Variants in ABCG4 observed in about 807,000 individuals in gnomAD.
The protein encoded by ABCG4 is ATP binding cassette subfamily G member 4.
Under a neutral mutation model 64.6 loss-of-function variants are expected in ABCG4, and 35 were observed. The ratio of observed to expected loss-of-function variants is 0.54; its 90% confidence interval spans 0.41 to 0.72. The LOEUF (loss-of-function observed/expected upper bound fraction) is 0.72, where lower values mean the gene tolerates loss of function less well. Ranked by LOEUF, ABCG4 falls within the 30% of genes least tolerant of loss-of-function variation. The pLI is 0.00. For missense variants in ABCG4, 610 were observed against 846.3 expected, an observed-to-expected ratio of 0.72 and a Z score of 3.46; for synonymous variants, 326 against 348.2, an observed-to-expected ratio of 0.94 and a Z score of 0.71.
Position 119,160,657 on chromosome 11 carries a change from G to A in ABCG4, c.1715+1G>A. On this transcript the variant is annotated splice_donor_variant, in intron 14 of 14. Transcript: ENST00000619701. LOFTEE classifies it high-confidence loss of function. The surrounding 1 kb of genome is among the most constrained non-coding windows in gnomAD (Gnocchi z 4.6). ...GGAGCTCCTATCTCTCCTATGTCAG[G>A]TCAGTACCCCTGCCCTCCTCGTTGG... 3 of 1,612,538 alleles carry A rather than the reference G, an allele frequency of 1.9e-6. No homozygotes were observed. Among genetic ancestry groups the A allele is most frequent in the Admixed American group, 3.3e-5 (2 of 60,004 alleles).
At chr11:119,159,617 C>T (rs1948317925) in intron 12 of ABCG4, among the ~76,000 whole-genome samples, 2 of 152,164 alleles carry the variant, frequency 1.3e-5, no homozygotes, top group Admixed American at 1.3e-4. Context: ...ACGAAGTGCC[C>T]AGCAAATGTT....
rs193920956 is a variant in ABCG4 at position 119,150,202 on chromosome 11, G to C, written c.237G>C (p.Arg79Ser). Residue 79 changes from arginine to serine, a missense_variant and splice_region_variant, in exon 2 of 15, where the codon AGG becomes AGC. Arg to Ser is a moderately radical substitution (Grantham distance 110). Transcript: ENST00000619701. This position sits in a 1 kb window ranked among gnomAD's most constrained non-coding sequence, Gnocchi z 4.3. ...GGGAGGGGCCCTGCTGGCGCAAAAG[G>C]GGTAGGGAACAGCCTGGTAGGGGGA... is the stretch of plus-strand genomic sequence containing the variant. ...SVREGPCWRK[R>S]GYKTLLKCLS... The C allele has an allele frequency of 1.2e-6, 2 of 1,613,264 alleles. No individual in the cohort carries two copies. Among genetic ancestry groups the C allele is most frequent in the Non-Finnish European group, 1.7e-6 (2 of 1,179,436 alleles).
chr11:119,160,240 T>A lies in ABCG4; in HGVS notation c.1451T>A (p.Val484Glu). 6.2e-7 allele frequency: 1 copy of A among 1,610,280 alleles called. No homozygotes were observed. Among genetic ancestry groups the A allele is most frequent in the Non-Finnish European group, 8.5e-7 (1 of 1,177,230 alleles). The change falls in exon 13 of 15, where the codon GTG becomes GAG. Residue 484 changes from valine to glutamate, a missense_variant. Coordinates refer to ENST00000619701, the MANE Select transcript of ABCG4 (RefSeq NM_022169.5). The surrounding 1 kb of genome is among the most constrained non-coding windows in gnomAD (Gnocchi z 4.6). ...CCCACTCCCCAGGTGGTGTGTCCGG[T>A]GGTCTACTGCAGCATTGTGTACTGG... ...ADVPFQVVCPVVYCSIVYWMT... is the reference protein window; with the variant it reads ...ADVPFQVVCPEVYCSIVYWMT...
rs12271907 is a variant in ABCG4 at position 119,156,981 on chromosome 11, C to A, written c.1035C>A (p.Asn345Lys). ...MAEKKSSPEK[N>K]EVPAPCPPCP... Reference sequence around the variant, plus strand: ...AGAAGAAGAGCAGCCCTGAGAAGAACGAGGTCCCTGCCCCATGCCCTCCTT... The same window carrying A: ...AGAAGAAGAGCAGCCCTGAGAAGAAAGAGGTCCCTGCCCCATGCCCTCCTT... The change falls in exon 9 of 15, where the codon AAC (asparagine) becomes AAA (lysine). Residue 345 changes from asparagine (N) to lysine (K), a missense_variant. Physicochemically the swap from Asn to Lys is moderately conservative, Grantham distance 94. Coordinates refer to ENST00000619701, the MANE Select transcript of ABCG4 (RefSeq NM_022169.5). The surrounding 1 kb of genome is among the most constrained non-coding windows in gnomAD (Gnocchi z 5.5). 6 of 1,612,854 alleles carry A rather than the reference C, an allele frequency of 3.7e-6. No homozygotes were observed. Among genetic ancestry groups the A allele is most frequent in the Non-Finnish European group, 5.1e-6 (6 of 1,179,458 alleles).
At position 119,150,082 on chromosome 11, in the gene ABCG4, G is replaced by A. The variant is rs1948174238; in HGVS notation, c.117G>A (p.Lys39=). 1.2e-6 allele frequency: 2 copies of A among 1,614,162 alleles called. No homozygotes were observed. Among genetic ancestry groups the A allele is most frequent in the Non-Finnish European group, 1.7e-6 (2 of 1,180,020 alleles). Residue 39 remains lysine, a synonymous_variant, in exon 2 of 15, where the codon AAG becomes AAA. Coordinates refer to ENST00000619701, the MANE Select transcript of ABCG4 (RefSeq NM_022169.5). This position sits in a 1 kb window ranked among gnomAD's most constrained non-coding sequence, Gnocchi z 4.3. ...CTGTGCTGACCACGCACCTGAAGAAGGTGGAGAACCACATCACTGAAGCCC... is the reference window on the plus strand; with the variant it reads ...CTGTGCTGACCACGCACCTGAAGAAAGTGGAGAACCACATCACTGAAGCCC... ...EPPVLTTHLK[K]VENHITEAQR... is the part of the protein sequence containing the mutation.
chr11:119,158,526 C>T lies in ABCG4; in HGVS notation c.1168-31C>T, dbSNP rs1948298989. 6.2e-7 allele frequency: 1 copy of T among 1,613,604 alleles called. No individual in the cohort carries two copies. The highest frequency in any genetic ancestry group is 2.2e-5 in the East Asian group (1 of 44,876). ...CTGTGGCTTGCCCTGGCCTGTAACA[C>T]ATCCCTCTCCTGGTGATGACCCCTC... On this transcript the variant is annotated intron_variant, in intron 10 of 14. Coordinates refer to ENST00000619701, the MANE Select transcript of ABCG4 (RefSeq NM_022169.5). This position sits in a 1 kb window ranked among gnomAD's most constrained non-coding sequence, Gnocchi z 4.5.
rs747267202 is a variant in ABCG4 at position 119,158,566 on chromosome 11, C to T, written c.1177C>T (p.His393Tyr). 6.2e-7 allele frequency: 1 copy of T among 1,614,224 alleles called. No homozygotes were observed. Among genetic ancestry groups the T allele is most frequent in the South Asian group, 1.1e-5 (1 of 91,086 alleles). Residue 393 changes from histidine (H) to tyrosine (Y), a missense_variant, in exon 11 of 15, where the codon CAC (histidine) becomes TAC (tyrosine). Coordinates refer to ENST00000619701, the MANE Select transcript of ABCG4 (RefSeq NM_022169.5). The surrounding 1 kb of genome is among the most constrained non-coding windows in gnomAD (Gnocchi z 4.5). ...GATGACCCCTCCCAAGGTCCTGACC[C>T]ACCTACGGTTCATGTCCCACGTGGT... ...LSILRDTVLT[H>Y]LRFMSHVVIG...
Position 119,149,767 on chromosome 11 carries a change from TG to T in ABCG4, c.-12-184del. On this transcript the variant is annotated intron_variant, in intron 1 of 14. Coordinates refer to ENST00000619701, the MANE Select transcript of ABCG4 (RefSeq NM_022169.5). The surrounding 1 kb of genome is among the most constrained non-coding windows in gnomAD (Gnocchi z 8.3). ...GGACGGGCTGGGGTCAGGCTGGAGC[TG>T]GGCTGCCCGGGACTGAGCGTCTCCG... The T allele has an allele frequency of 1.1e-6, 1 of 932,060 alleles. No individual in the cohort carries two copies. Among genetic ancestry groups the T allele is most frequent in the Non-Finnish European group, 1.6e-6 (1 of 642,618 alleles). 57.7% of individuals were successfully genotyped at this position (932,060 alleles called of 1,614,324 possible).
rs979825313 is a variant in ABCG4 at position 119,158,815 on chromosome 11, G to A, written c.1337-14G>A. On this transcript the variant is annotated splice_polypyrimidine_tract_variant and intron_variant, in intron 11 of 14. Coordinates refer to ENST00000619701, the MANE Select transcript of ABCG4 (RefSeq NM_022169.5). The surrounding 1 kb of genome is among the most constrained non-coding windows in gnomAD (Gnocchi z 4.5). ...GGTGTCGGCCGGGTGTGCCTAAGCA[G>A]CCTGTGTCCTCAGTCCCCTTAGAGA... 5 of 1,614,064 alleles carry A rather than the reference G, an allele frequency of 3.1e-6. No individual in the cohort carries two copies. In the African/African-American group the frequency reaches 6.7e-5, roughly 22 times the overall value.
chr11:119,158,579 T>C lies in ABCG4; in HGVS notation c.1190T>C (p.Met397Thr), dbSNP rs1948300123. Residue 397 changes from methionine to threonine, a missense_variant, in exon 11 of 15, where the codon ATG becomes ACG. Coordinates refer to ENST00000619701, the MANE Select transcript of ABCG4 (RefSeq NM_022169.5). This position sits in a 1 kb window ranked among gnomAD's most constrained non-coding sequence, Gnocchi z 4.5. ...RDTVLTHLRF[M>T]SHVVIGVLIG... The stretch of plus-strand genomic sequence containing the variant: ...AAGGTCCTGACCCACCTACGGTTCA[T>C]GTCCCACGTGGTTATTGGCGTGCTC... 6.2e-7 allele frequency: 1 copy of C among 1,614,216 alleles called. No homozygotes were observed. Among genetic ancestry groups the C allele is most frequent in the South Asian group, 1.1e-5 (1 of 91,084 alleles).
chr11:119,150,243 C>G lies in ABCG4; in HGVS notation c.238+40C>G. On this transcript the variant is annotated intron_variant, in intron 2 of 14. Coordinates refer to ENST00000619701, the MANE Select transcript of ABCG4 (RefSeq NM_022169.5). The surrounding 1 kb of genome is among the most constrained non-coding windows in gnomAD (Gnocchi z 4.3). ...GGTAGGGGGAGTCCGTGGGCCCTCT[C>G]TGAGTTGCCTCTCCAGAAGCATGAG... 3 of 1,594,076 alleles carry G rather than the reference C, an allele frequency of 1.9e-6. No individual in the cohort carries two copies. The highest frequency in any genetic ancestry group is 2.6e-6 in the Non-Finnish European group (3 of 1,167,590).
rs755418264 is a variant in ABCG4 at position 119,160,412 on chromosome 11, C to T, written c.1596+27C>T. 6.2e-7 allele frequency: 1 copy of T among 1,603,388 alleles called. No individual in the cohort carries two copies. Among genetic ancestry groups the T allele is most frequent in the African/African-American group, 1.3e-5 (1 of 74,704 alleles). On this transcript the variant is annotated intron_variant, in intron 13 of 14. Transcript: ENST00000619701. The surrounding 1 kb of genome is among the most constrained non-coding windows in gnomAD (Gnocchi z 4.6). ...TGGGAGGGCTGGCAGTTGGGAATTC[C>T]CAAGGCGGGATGAGGTCTTGTGGGA...
At position 119,149,682 on chromosome 11, in the gene ABCG4, C is replaced by A; in HGVS notation, c.-12-272C>A. The A allele has an allele frequency of 2.0e-6, 1 of 504,030 alleles. No individual in the cohort carries two copies. The highest frequency in any genetic ancestry group is 3.3e-5 in the East Asian group (1 of 30,510). 31.2% of individuals were successfully genotyped at this position (504,030 alleles called of 1,614,324 possible). Reference sequence around the variant, plus strand: ...CCTTCAGTCCCCAGGGGCTGCTGGCCTGCGGGGTAAGGAGATTAGAGAAGC... The same window carrying A: ...CCTTCAGTCCCCAGGGGCTGCTGGCATGCGGGGTAAGGAGATTAGAGAAGC... On this transcript the variant is annotated intron_variant, in intron 1 of 14. Coordinates refer to ENST00000619701, the MANE Select transcript of ABCG4 (RefSeq NM_022169.5). The surrounding 1 kb of genome is among the most constrained non-coding windows in gnomAD (Gnocchi z 8.3).
chr11:119,157,102 C>A, intron 9 of ABCG4, 88 bp downstream of exon 9: 1 of 1,502,274 alleles, frequency 6.7e-7, no homozygotes, highest in East Asian at 2.3e-5. Flanking sequence ...AGGCTGTTCC[C>A]CAGAGGCATT....
chr11:119,156,754 C>T lies in ABCG4; in HGVS notation c.925+76C>T, dbSNP rs1317180047. The T allele has an allele frequency of 2.5e-6, 4 of 1,591,214 alleles. No individual in the cohort carries two copies. In the African/African-American group the frequency reaches 4.0e-5, roughly 16 times the overall value. On this transcript the variant is annotated intron_variant, in intron 8 of 14. Coordinates refer to ENST00000619701, the MANE Select transcript of ABCG4 (RefSeq NM_022169.5). The surrounding 1 kb of genome is among the most constrained non-coding windows in gnomAD (Gnocchi z 5.5). ...TGGGGTCTCTGGTCTTGCACTCAGG[C>T]CTCCTAGGGGTAGAGATCTCACCGT...
chr11:119,157,710 A>T (rs1174635248), intron 9 of ABCG4, among the ~76,000 whole-genome samples: 1 of 127,438 alleles, frequency 7.8e-6, no homozygotes, highest in African/African-American at 3.4e-5. Flanking sequence ...TACTAAAAAT[A>T]CAAAAATTAG....
chr11:119,154,646 G>A lies in ABCG4; in HGVS notation c.540+71G>A. The A allele has an allele frequency of 2.5e-6, 4 of 1,599,934 alleles. No homozygotes were observed. Among genetic ancestry groups the A allele is most frequent in the Non-Finnish European group, 2.6e-6 (3 of 1,173,446 alleles). ...TGCTGAGCTCAAGGCCCCGAGCTGGGAGTGGGAGAGTGGTGGCCTAGGCCG... is the reference window on the plus strand; with the variant it reads ...TGCTGAGCTCAAGGCCCCGAGCTGGAAGTGGGAGAGTGGTGGCCTAGGCCG... On this transcript the variant is annotated intron_variant, in intron 5 of 14. Coordinates refer to ENST00000619701, the MANE Select transcript of ABCG4 (RefSeq NM_022169.5). The surrounding 1 kb of genome is among the most constrained non-coding windows in gnomAD (Gnocchi z 7.0).
rs1410360786 is a variant in ABCG4 at position 119,160,639 on chromosome 11, C to A, written c.1698C>A (p.Ser566=). ...TCCCCACTTACCTGCAATGGAGCTC[C>A]TATCTCTCCTATGTCAGGTCAGTAC... is the stretch of plus-strand genomic sequence containing the variant. ...KTIPTYLQWS[S]YLSYVRYGFE... Residue 566 remains serine (S), a synonymous_variant, in exon 14 of 15, where the codon TCC becomes TCA. Transcript: ENST00000619701. The surrounding 1 kb of genome is among the most constrained non-coding windows in gnomAD (Gnocchi z 4.6). 6.2e-7 allele frequency: 1 copy of A among 1,613,454 alleles called. No homozygotes were observed. Among genetic ancestry groups the A allele is most frequent in the Non-Finnish European group, 8.5e-7 (1 of 1,179,732 alleles).
In ABCG4 at chr11:119,160,729, G is replaced by GT; in HGVS notation, c.1715+74dup. On this transcript the variant is annotated intron_variant, in intron 14 of 14. Coordinates refer to ENST00000619701, the MANE Select transcript of ABCG4 (RefSeq NM_022169.5). This position sits in a 1 kb window ranked among gnomAD's most constrained non-coding sequence, Gnocchi z 4.6. ...GTCCATACCCAGGGCTTCCTGGGTTGTGCCAAGTCTGCTGCCTGCCCCATT... is the reference window on the plus strand; with the variant it reads ...GTCCATACCCAGGGCTTCCTGGGTTGTTGCCAAGTCTGCTGCCTGCCCCATT... 1 of 1,514,952 alleles carries GT rather than the reference G, an allele frequency of 6.6e-7. No homozygotes were observed. Among genetic ancestry groups the GT allele is most frequent in the Non-Finnish European group, 9.1e-7 (1 of 1,093,032 alleles). 93.8% of individuals were successfully genotyped at this position (1,514,952 alleles called of 1,614,324 possible).
Sources: gnomAD v4.1 joint callset for allele counts (sites outside exome capture counted in the v4.1 genomes callset) on GRCh38, gnomAD v4.1.1 for gene constraint, Gnocchi (gnomAD v3.1) non-coding constraint, MANE v1.5 for transcripts, NCBI Gene and HGNC (gene_info 2026-07-23, HGNC 2026-07-21) for gene names.